The following ANAPC1 variants were observed in gnomAD, a reference collection of about 807,000 sequenced individuals.
ANAPC1 encodes anaphase promoting complex subunit 1.
ANAPC1 carries 36 observed loss-of-function variants against 208.0 expected under a neutral mutation model. That is an observed-to-expected ratio of 0.17 (90% confidence interval 0.13 to 0.23). The LOEUF is 0.23. Among genes scored for constraint, ANAPC1 ranks in the 10% least tolerant of loss-of-function variants. ANAPC1 has a pLI of 1.00. For missense variants in ANAPC1, 942 were observed against 2,011.6 expected (o/e 0.47, Z 10.17); for synonymous variants, 378 against 695.2 (o/e 0.54, Z 7.18).
intron 28 of ANAPC1, among the ~76,000 whole-genome samples, chr2:111,810,138 T>C (rs1212133896): frequency 1.3e-5 from 2 of 152,230 alleles, no homozygotes; most frequent in Non-Finnish European, 2.9e-5. Flanking sequence ...GTATTGCTGA[T>C]AGATGGTACA....
chr2:111,842,812 T>C (rs1680841863), intron 17 of ANAPC1, among the ~76,000 whole-genome samples: 1 of 152,020 alleles, frequency 6.6e-6, no homozygotes. Context: ...AGATCACCAA[T>C]ACTGAAGACA....
intron 1 of ANAPC1, 141 bp downstream of exon 1, chr2:111,883,801 C>G (rs753775378): frequency 1.3e-5 from 2 of 152,598 alleles, no homozygotes; most frequent in African/African-American, 2.4e-5. Flanking sequence ...AGCCCCGGAG[C>G]ACGCTCAAGG....
intron 28 of ANAPC1, among the ~76,000 whole-genome samples, chr2:111,812,605 C>T (rs1425802788): frequency 6.8e-6 from 1 of 147,242 alleles, no homozygotes; most frequent in Admixed American, 7.0e-5. Context: ...ATTAAACACC[C>T]ATCTCTCTCC....
In ANAPC1 at chr2:111,792,510, A is replaced by C. The variant is rs762905195; in HGVS notation, c.4564T>G (p.Ser1522Ala). ...GAGCCAGCCATGACCATGGCGAGAG[A>C]CAGCAGCACCACGCTCAGACAAGTT... ...LETCLSVVLL[S>A]LAMVMAGSGN... The change falls in exon 38 of 48, where the codon TCT (serine) becomes GCT (alanine). Residue 1522 changes from serine to alanine, a missense_variant. Coordinates refer to ENST00000341068, the MANE Select transcript of ANAPC1 (RefSeq NM_022662.4). The C allele has an allele frequency of 3.1e-6, 5 of 1,613,880 alleles. No individual in the cohort carries two copies. The East Asian group carries it at 1.1e-4, about 36-fold the overall frequency.
At chr2:111,843,820 C>CCTTTT (rs770441848) in intron 16 of ANAPC1, among the ~76,000 whole-genome samples, 16 of 86,820 alleles carry the variant, frequency 1.8e-4, no homozygotes, top group African/African-American at 6.0e-4. Flanking sequence ...CTGAAGACAG[C>CCTTTT]TTTTTTTTTT....
At chr2:111,766,733 T>C (rs148228076), downstream of ANAPC1, 3,284 of 326,968 alleles carry the variant, frequency 0.01, 73 homozygotes, top group East Asian at 0.078. Flanking sequence ...CTCTGACCCA[T>C]CTGCCCACAG....
intron 21 of ANAPC1, among the ~76,000 whole-genome samples, chr2:111,829,009 G>A (rs1679985719): frequency 2.0e-5 from 3 of 152,198 alleles, no homozygotes; most frequent in Admixed American, 2.0e-4. Flanking sequence ...GATGTCAGGA[G>A]TTCAAGACCA....
At chr2:111,824,745 T>A (rs1447581998) in intron 24 of ANAPC1, among the ~76,000 whole-genome samples, 1 of 152,190 alleles carries the variant, frequency 6.6e-6, no homozygotes, top group Non-Finnish European at 1.5e-5. Context: ...AAATGGCAAA[T>A]AAAGATTCCT....
intron 6 of ANAPC1, among the ~76,000 whole-genome samples, chr2:111,871,880 G>A (rs1414195604): frequency 2.6e-5 from 4 of 152,158 alleles, no homozygotes; most frequent in African/African-American, 9.7e-5. Context: ...ATCAAATCTA[G>A]GGGTCTTTTG....
intron 1 of ANAPC1, 101 bp downstream of exon 1, chr2:111,883,841 T>G (rs1683464142): frequency 6.6e-6 from 1 of 152,358 alleles, no homozygotes; most frequent in Admixed American, 6.5e-5. Context: ...TACCCCGGGT[T>G]TCCAGACCTA....
At chr2:111,802,342 C>A in intron 33 of ANAPC1, 86 bp downstream of exon 33, 2 of 1,260,552 alleles carry the variant, frequency 1.6e-6, no homozygotes, top group South Asian at 1.2e-5. Context: ...GGATTACAGG[C>A]GTAAGCCACT....
chr2:111,782,354 A>G lies in ANAPC1; in HGVS notation c.5202+15T>C, dbSNP rs1677331316. ...AGAATTATTTCTTTCCGTTTTTACC[A>G]ATCAATAATACTACCTTGAAAGCCC... On this transcript the variant is annotated intron_variant, in intron 43 of 47. Transcript: ENST00000341068. 1.2e-6 allele frequency: 2 copies of G among 1,613,146 alleles called. No individual in the cohort carries two copies. The highest frequency in any genetic ancestry group is 1.7e-6 in the Non-Finnish European group (2 of 1,179,436).
rs184303316 is a variant in ANAPC1 at position 111,853,539 on chromosome 2, C to T, written c.1516-2629G>A. ...AGGCTCTACTTCTAATTCTAATTCT[C>T]CTGCTATTTCCACCACATCTGCAGT... is the stretch of plus-strand genomic sequence containing the variant. On this transcript the variant is annotated intron_variant, in intron 13 of 47. Transcript: ENST00000341068. Among the ~76,000 whole-genome samples, 578 of 152,198 alleles carry T rather than the reference C, an allele frequency of 3.8e-3. 3 individuals carry two copies. Among genetic ancestry groups the T allele is most frequent in the African/African-American group, 0.011 (442 of 41,522 alleles).
intron 16 of ANAPC1, among the ~76,000 whole-genome samples, chr2:111,844,068 C>T (rs1298204608): frequency 3.3e-5 from 5 of 151,986 alleles, no homozygotes; most frequent in Admixed American, 1.3e-4. Flanking sequence ...ATGATCCACC[C>T]GCCTTGGCCT....
intron 13 of ANAPC1, among the ~76,000 whole-genome samples, chr2:111,855,654 CTAAA>C (rs1005965401): frequency 6.6e-6 from 1 of 151,970 alleles, no homozygotes; most frequent in Non-Finnish European, 1.5e-5. Flanking sequence ...ACAAGGAAAA[CTAAA>C]TAATGCATTC....
In ANAPC1 at chr2:111,859,880, T is replaced by C. The variant is rs143201876; in HGVS notation, c.1263-1479A>G. Among the ~76,000 whole-genome samples, 1,409 of 152,298 alleles carry C rather than the reference T, an allele frequency of 9.3e-3. 14 individuals carry two copies. The highest frequency in any genetic ancestry group is 0.012 in the Non-Finnish European group (827 of 68,030). ...TGTATTTTCAATACTTTCCCTTGAG[T>C]ATAGTCCGTATAGCCTACTACTTCA... On this transcript the variant is annotated intron_variant, in intron 10 of 47. Coordinates refer to ENST00000341068, the MANE Select transcript of ANAPC1 (RefSeq NM_022662.4).
chr2:111,874,030 T>C (rs1378984491), intron 3 of ANAPC1, among the ~76,000 whole-genome samples: 1 of 152,132 alleles, frequency 6.6e-6, no homozygotes, highest in Admixed American at 6.6e-5. Flanking sequence ...CTATATCCTC[T>C]ACAAAACTAA....
At chr2:111,846,551 A>ACATT (rs1681082214) in intron 16 of ANAPC1, among the ~76,000 whole-genome samples, 1 of 64,684 alleles carries the variant, frequency 1.5e-5, no homozygotes, top group Non-Finnish European at 3.0e-5. Flanking sequence ...ATATATATAT[A>ACATT]TATATATATT....
At chr2:111,860,310 A>G (rs1681986519) in intron 10 of ANAPC1, among the ~76,000 whole-genome samples, 1 of 151,194 alleles carries the variant, frequency 6.6e-6, no homozygotes, top group Non-Finnish European at 1.5e-5. Flanking sequence ...TTCAAAAAAA[A>G]AGAAAAAGAA....
Sources: gnomAD v4.1 joint callset for allele counts (sites outside exome capture counted in the v4.1 genomes callset) on GRCh38, gnomAD v4.1.1 for gene constraint, MANE v1.5 for transcripts, NCBI Gene and HGNC (gene_info 2026-07-23, HGNC 2026-07-21) for gene names.